Variants in EPHA7 observed in about 807,000 individuals in gnomAD.
EPHA7 encodes the protein EPH receptor A7, also known as ephrin type-A receptor 7.
Under a neutral mutation model 112.6 loss-of-function variants are expected in EPHA7, and 25 were observed. The ratio of observed to expected loss-of-function variants is 0.22; its 90% CI spans 0.16 to 0.31. The LOEUF (loss-of-function observed/expected upper bound fraction) is 0.31, where lower values mean the gene tolerates loss of function less well. Ranked by LOEUF, EPHA7 falls within the 10% of genes least tolerant of loss-of-function variation. The pLI is 1.00. For synonymous variants in EPHA7, 437 were observed against 406.5 expected, an observed-to-expected ratio of 1.07 and a Z score of -0.90; for missense variants, 962 against 1,212.6, an observed-to-expected ratio of 0.79 and a Z score of 3.07.
chr6:93,348,727 T>C (rs1345089728), intron 5 of EPHA7, among the ~76,000 whole-genome samples: 1 of 151,926 alleles, frequency 6.6e-6, no homozygotes, highest in South Asian at 2.1e-4. Context: ...TTGAATTAAA[T>C]TAATGTCTTC....
chr6:93,282,155 A>G (rs9452288), intron 5 of EPHA7, among the ~76,000 whole-genome samples: 12 of 152,186 alleles, frequency 7.9e-5, no homozygotes, highest in African/African-American at 1.9e-4. Flanking sequence ...TAAACAATAT[A>G]TAATTTGTTT....
intron 3 of EPHA7, among the ~76,000 whole-genome samples, chr6:93,377,174 T>C (rs1465946003): frequency 6.6e-6 from 1 of 152,220 alleles, no homozygotes; most frequent in Non-Finnish European, 1.5e-5. Flanking sequence ...GGAGGAGGTC[T>C]GTTACTGGTA....
chr6:93,349,072 A>T (rs186367942), intron 5 of EPHA7, among the ~76,000 whole-genome samples: 1 of 151,936 alleles, frequency 6.6e-6, no homozygotes, highest in Non-Finnish European at 1.5e-5. Context: ...CGTGTAAAGG[A>T]ATCAACATGT....
intron 3 of EPHA7, among the ~76,000 whole-genome samples, chr6:93,376,492 T>A (rs140981502): frequency 1.3e-5 from 2 of 152,138 alleles, no homozygotes; most frequent in Non-Finnish European, 2.9e-5. Context: ...ATAACTGACA[T>A]GAATTCTTTG....
intron 5 of EPHA7, among the ~76,000 whole-genome samples, chr6:93,285,895 C>T (rs530986640): frequency 6.6e-6 from 1 of 152,248 alleles, no homozygotes; most frequent in Non-Finnish European, 1.5e-5. Context: ...ATCTGGCTAG[C>T]CACTTGTTTT....
At chr6:93,245,237 G>T in intron 16 of EPHA7, 61 bp downstream of exon 16, 1 of 1,423,872 alleles carries the variant, frequency 7.0e-7, no homozygotes, top group Non-Finnish European at 9.6e-7. Context: ...ATAACCTAAT[G>T]TATAAAGTGT....
chr6:93,356,365 G>C (rs1404388914), intron 5 of EPHA7, among the ~76,000 whole-genome samples: 1 of 152,016 alleles, frequency 6.6e-6, no homozygotes, highest in Non-Finnish European at 1.5e-5. Flanking sequence ...GCACCACCAT[G>C]CCCGGCTAAT....
At chr6:93,316,286 C>A (rs879433668) in intron 5 of EPHA7, among the ~76,000 whole-genome samples, 1 of 152,050 alleles carries the variant, frequency 6.6e-6, no homozygotes, top group Non-Finnish European at 1.5e-5. Context: ...TGCAATAACA[C>A]CCCCTTTCTA....
At chr6:93,334,349 C>T (rs1011045207) in intron 5 of EPHA7, among the ~76,000 whole-genome samples, 10 of 151,882 alleles carry the variant, frequency 6.6e-5, no homozygotes, top group Non-Finnish European at 1.3e-4. Flanking sequence ...GCAAAGATTT[C>T]ATGATGAAGA....
At chr6:93,259,534 T>G in intron 9 of EPHA7, 55 bp from the exon 10 acceptor site, 1 of 1,599,750 alleles carries the variant, frequency 6.3e-7, no homozygotes, top group Non-Finnish European at 8.5e-7. Context: ...TATTGTGCAG[T>G]CAGCCCAGGA....
intron 14 of EPHA7, among the ~76,000 whole-genome samples, chr6:93,252,667 T>C (rs1770268073): frequency 6.6e-6 from 1 of 151,950 alleles, no homozygotes; most frequent in South Asian, 2.1e-4. Context: ...TCTACTGACA[T>C]AATTATAAAA....
At chr6:93,317,640 C>T (rs554990248) in intron 5 of EPHA7, among the ~76,000 whole-genome samples, 1 of 152,156 alleles carries the variant, frequency 6.6e-6, no homozygotes, top group East Asian at 1.9e-4. Flanking sequence ...ACAACAAGTT[C>T]AGATATTAAC....
intron 6 of EPHA7, 125 bp downstream of exon 6, chr6:93,272,173 A>T: frequency 9.4e-7 from 1 of 1,060,650 alleles, no homozygotes; most frequent in Non-Finnish European, 1.4e-6. Flanking sequence ...TAAATGGCTA[A>T]AATTAACTAC....
chr6:93,360,577 A>C (rs1465827541), intron 3 of EPHA7, among the ~76,000 whole-genome samples: 1 of 152,222 alleles, frequency 6.6e-6, no homozygotes, highest in East Asian at 1.9e-4. Flanking sequence ...ATTCCTCAGA[A>C]TTCTCATTCT....
At chr6:93,365,142 A>C (rs997785034) in intron 3 of EPHA7, among the ~76,000 whole-genome samples, 2 of 152,176 alleles carry the variant, frequency 1.3e-5, no homozygotes, top group African/African-American at 2.4e-5. Context: ...CTGTGATTTT[A>C]AGCACAACTG....
At chr6:93,305,525 C>T (rs1773212079) in intron 5 of EPHA7, among the ~76,000 whole-genome samples, 2 of 152,008 alleles carry the variant, frequency 1.3e-5, no homozygotes, top group South Asian at 2.1e-4. Context: ...AGAAATATTT[C>T]CTGGTAACCA....
intron 5 of EPHA7, among the ~76,000 whole-genome samples, chr6:93,315,101 A>T (rs1287341986): frequency 2.0e-5 from 3 of 149,998 alleles, no homozygotes; most frequent in African/African-American, 5.0e-5. Context: ...TGACCTCGTG[A>T]TCCGCCCGCC....
Position 93,248,440 on chromosome 6 carries a change from A to G in EPHA7, c.2533-1455T>C, listed in dbSNP as rs141511263. Among the ~76,000 whole-genome samples, 959 of 152,216 alleles carry G rather than the reference A, an allele frequency of 6.3e-3. 11 individuals are homozygous for G. Among genetic ancestry groups the G allele is most frequent in the African/African-American group, 0.021 (883 of 41,550 alleles). Reference sequence around the variant, plus strand: ...GTTATAGTAATTTTTGAAAATTTATATAAGTATAAAATTTAAGACCAAACT... The same window carrying G: ...GTTATAGTAATTTTTGAAAATTTATGTAAGTATAAAATTTAAGACCAAACT... On this transcript the variant is annotated intron_variant, in intron 14 of 16. Transcript: ENST00000369303.
chr6:93,249,146 G>C (rs573464949), intron 14 of EPHA7, among the ~76,000 whole-genome samples: 1 of 152,160 alleles, frequency 6.6e-6, no homozygotes, highest in South Asian at 2.1e-4. Context: ...TTCCTTTTAT[G>C]ATCCCATAAT....
Sources: allele counts gnomAD v4.1 joint callset (sites outside exome capture counted in the v4.1 genomes callset), GRCh38; gene constraint gnomAD v4.1.1; transcripts MANE v1.5; gene names NCBI Gene and HGNC (gene_info 2026-07-23, HGNC 2026-07-21).